Variants in PPP2R5E observed in about 807,000 individuals in gnomAD.
The protein encoded by PPP2R5E is serine/threonine-protein phosphatase 2A 56 kDa regulatory subunit epsilon isoform.
Under a neutral mutation model 65.3 loss-of-function variants are expected in PPP2R5E, and 4 were observed. That is an observed-to-expected ratio of 0.06 (90% CI 0.03 to 0.14). The LOEUF (loss-of-function observed/expected upper bound fraction) is 0.14. Ranked by LOEUF, PPP2R5E falls within the 10% of genes least tolerant of loss-of-function variation. The probability of loss-of-function intolerance (pLI) is 1.00; values close to 1 mark genes in which losing one functional copy is unlikely to be tolerated. For missense variants in PPP2R5E, 274 were observed against 556.1 expected (o/e 0.49, Z 5.10); for synonymous variants, 183 against 187.4 (o/e 0.98, Z 0.19).
At chr14:63,441,695 A>C (rs1888246318) in intron 3 of PPP2R5E, among the ~76,000 whole-genome samples, 1 of 152,180 alleles carries the variant, frequency 6.6e-6, no homozygotes, top group South Asian at 2.1e-4. Flanking sequence ...GCAGATCATG[A>C]GGTCAGGAGA....
chr14:63,394,101 C>G (rs558976957), intron 7 of PPP2R5E, among the ~76,000 whole-genome samples, 173 bp from the exon 8 acceptor site: 1 of 106,670 alleles, frequency 9.4e-6, no homozygotes. Context: ...TTTTTTGAGA[C>G]AGAGTCATCT....
chr14:63,403,387 CAAAAA>C (rs35226807), intron 5 of PPP2R5E, among the ~76,000 whole-genome samples: 1,680 of 79,262 alleles, frequency 0.021, 36 homozygotes, highest in African/African-American at 0.059. Flanking sequence ...GAGTCTGTCT[CAAAAA>C]AAAAAAAAAA....
intron 5 of PPP2R5E, among the ~76,000 whole-genome samples, chr14:63,402,332 T>C (rs946320849): frequency 1.3e-5 from 2 of 152,198 alleles, no homozygotes; most frequent in East Asian, 1.9e-4. Context: ...AGTGTCACCA[T>C]GCAAATATAA....
intron 2 of PPP2R5E, among the ~76,000 whole-genome samples, chr14:63,493,973 T>C (rs1302179056): frequency 6.6e-6 from 1 of 152,176 alleles, no homozygotes; most frequent in Non-Finnish European, 1.5e-5. Flanking sequence ...TCAAATACTC[T>C]ACTAGAAATG....
chr14:63,418,080 T>C (rs1163513328), intron 4 of PPP2R5E, among the ~76,000 whole-genome samples: 4 of 152,368 alleles, frequency 2.6e-5, no homozygotes, highest in African/African-American at 9.6e-5. Flanking sequence ...CAGAAAAATT[T>C]CTTTCCTAAT....
rs567040128 is a variant in PPP2R5E, at chr14:63,447,529, A to C, written c.354+6160T>G. Among the ~76,000 whole-genome samples, 63 of 152,384 alleles carry C rather than the reference A, an allele frequency of 4.1e-4. 1 individual carries two copies. The South Asian group carries it at 0.013, about 31-fold the overall frequency. ...TTGCTCTGGGTTAGGCTTTGGCATA[A>C]GGAACGTTGTGGCTGGTTTGATATT... On this transcript the variant is annotated intron_variant, in intron 3 of 13. Coordinates refer to ENST00000337537, the MANE Select transcript of PPP2R5E (RefSeq NM_006246.5).
intron 2 of PPP2R5E, among the ~76,000 whole-genome samples, chr14:63,501,275 A>G (rs375464487): frequency 7.6e-4 from 115 of 151,874 alleles, no homozygotes; most frequent in Admixed American, 2.0e-3. Context: ...CGTGGTGGCG[A>G]GCGCCTGTAG....
In PPP2R5E at chr14:63,482,217, C is replaced by T. The variant is rs756887986; in HGVS notation, c.158-28332G>A. Reference sequence around the variant, plus strand: ...CAGTGACTCATGTCTGTAATCCCAGCACTTTGAGAGGCTGAGGTGGGCAGA... The same window carrying T: ...CAGTGACTCATGTCTGTAATCCCAGTACTTTGAGAGGCTGAGGTGGGCAGA... On this transcript the variant is annotated intron_variant, in intron 2 of 13. Coordinates refer to ENST00000337537, the MANE Select transcript of PPP2R5E (RefSeq NM_006246.5). Among the ~76,000 whole-genome samples the T allele has an allele frequency of 1.4e-4, 22 of 152,304 alleles. 1 individual carries two copies. The highest frequency in any genetic ancestry group is 2.5e-4 in the Non-Finnish European group (17 of 68,018).
intron 2 of PPP2R5E, among the ~76,000 whole-genome samples, chr14:63,526,548 TTCTC>T (rs1490329801): frequency 6.6e-6 from 1 of 151,920 alleles, no homozygotes; most frequent in Non-Finnish European, 1.5e-5. Flanking sequence ...CTCTCAATCT[TTCTC>T]TCTTTCTCTT....
At chr14:63,441,172 T>C (rs887737323) in intron 3 of PPP2R5E, among the ~76,000 whole-genome samples, 1 of 151,776 alleles carries the variant, frequency 6.6e-6, no homozygotes, top group Non-Finnish European at 1.5e-5. Context: ...TTTATGCAGG[T>C]AACAATAGAA....
At chr14:63,479,515 G>C (rs1156366735) in intron 2 of PPP2R5E, 1 of 152,192 alleles carries the variant, frequency 6.6e-6, no homozygotes, top group African/African-American at 2.4e-5. Flanking sequence ...TTGGCACCTT[G>C]CTAAATGAAC....
At chr14:63,388,125 TCTC>T (rs1436414749) in intron 11 of PPP2R5E, among the ~76,000 whole-genome samples, 1 of 149,060 alleles carries the variant, frequency 6.7e-6, no homozygotes, top group Non-Finnish European at 1.5e-5. Context: ...TTTTTTTTTT[TCTC>T]CTTTCTTTTT....
chr14:63,526,466 TGAA>T (rs1178665463), intron 2 of PPP2R5E, among the ~76,000 whole-genome samples: 1 of 152,214 alleles, frequency 6.6e-6, no homozygotes, highest in East Asian at 1.9e-4. Context: ...CAAAAACATT[TGAA>T]GATCCTGTCC....
At chr14:63,467,251 A>AAAAAAAAC (rs1566724791) in intron 2 of PPP2R5E, among the ~76,000 whole-genome samples, 1 of 150,726 alleles carries the variant, frequency 6.6e-6, no homozygotes, top group African/African-American at 2.5e-5. Flanking sequence ...AACAAAAAAA[A>AAAAAAAAC]CACTATTTAC....
At chr14:63,378,640 C>T (rs1475148919) in intron 13 of PPP2R5E, among the ~76,000 whole-genome samples, 1 of 152,156 alleles carries the variant, frequency 6.6e-6, no homozygotes, top group Non-Finnish European at 1.5e-5. Flanking sequence ...TATTGTCACC[C>T]CCAATCTTTC....
chr14:63,528,650 A>G (rs542950386), intron 2 of PPP2R5E, among the ~76,000 whole-genome samples: 2 of 152,342 alleles, frequency 1.3e-5, no homozygotes, highest in Admixed American at 6.5e-5. Flanking sequence ...TGTGTAAATT[A>G]TAAGTTAAAA....
chr14:63,407,014 A>G (rs1201767782), intron 5 of PPP2R5E, among the ~76,000 whole-genome samples: 1 of 152,248 alleles, frequency 6.6e-6, no homozygotes, highest in Admixed American at 6.5e-5. Flanking sequence ...TAATAAAAAT[A>G]TTAGTGACAC....
chr14:63,462,075 T>C (rs57080170), intron 2 of PPP2R5E, among the ~76,000 whole-genome samples: 20 of 72,728 alleles, frequency 2.7e-4, no homozygotes, highest in African/African-American at 1.9e-3. Context: ...TCAACTGTAT[T>C]TTTTTTTTTT....
intron 2 of PPP2R5E, among the ~76,000 whole-genome samples, chr14:63,496,053 G>C (rs1355915650): frequency 3.3e-5 from 5 of 152,056 alleles, no homozygotes; most frequent in Non-Finnish European, 5.9e-5. Flanking sequence ...AATTTGCACT[G>C]TTCATTTTAC....
Sources: gnomAD v4.1 joint callset for allele counts (sites outside exome capture counted in the v4.1 genomes callset) on GRCh38, gnomAD v4.1.1 for gene constraint, MANE v1.5 for transcripts, NCBI Gene and HGNC (gene_info 2026-07-23, HGNC 2026-07-21) for gene names.